Variants in RNF130 observed in about 807,000 individuals in gnomAD.
The protein encoded by RNF130 is E3 ubiquitin-protein ligase RNF130.
In RNF130, 21 loss-of-function variants were observed where a neutral mutation model predicts 44.6. The ratio of observed to expected loss-of-function variants is 0.47; its 90% CI spans 0.33 to 0.68. The LOEUF is 0.68. Among genes scored for constraint, RNF130 ranks in the 30% least tolerant of loss-of-function variants. The pLI, the probability that RNF130 is intolerant of heterozygous loss-of-function variation, is 0.02. For missense variants in RNF130, 479 were observed against 560.6 expected, an observed-to-expected ratio of 0.85 and a Z score of 1.47; for synonymous variants, 214 against 210.4, an observed-to-expected ratio of 1.02 and a Z score of -0.15.
At chr5:180,055,999 GC>G (rs1164907285) in intron 1 of RNF130, among the ~76,000 whole-genome samples, 1 of 152,004 alleles carries the variant, frequency 6.6e-6, no homozygotes, top group Non-Finnish European at 1.5e-5. Context: ...CAGGAGAATT[GC>G]TTGAACCCGG....
chr5:180,058,609 G>A (rs980137557), intron 1 of RNF130, among the ~76,000 whole-genome samples: 1 of 152,170 alleles, frequency 6.6e-6, no homozygotes, highest in Non-Finnish European at 1.5e-5. Context: ...AAGCTGGAGT[G>A]TAGTAGTGTG....
chr5:180,029,486 C>T (rs1764071431), intron 2 of RNF130, among the ~76,000 whole-genome samples: 1 of 152,120 alleles, frequency 6.6e-6, no homozygotes, highest in Non-Finnish European at 1.5e-5. Context: ...AAGCTCTAAC[C>T]AAGAACCAAG....
chr5:180,000,807 G>T (rs72813786), intron 3 of RNF130, among the ~76,000 whole-genome samples: 1 of 152,020 alleles, frequency 6.6e-6, no homozygotes, highest in Non-Finnish European at 1.5e-5. Flanking sequence ...TTGTCTACAC[G>T]TTTTCTTGTA....
intron 7 of RNF130, among the ~76,000 whole-genome samples, chr5:179,942,381 AC>A (rs1290789419): frequency 6.6e-6 from 1 of 152,040 alleles, no homozygotes; most frequent in Non-Finnish European, 1.5e-5. Context: ...ATCTGTATGC[AC>A]TGATGTGGAA....
At chr5:180,048,853 G>A (rs1295910117) in intron 1 of RNF130, among the ~76,000 whole-genome samples, 1 of 152,144 alleles carries the variant, frequency 6.6e-6, no homozygotes, top group African/African-American at 2.4e-5. Flanking sequence ...TATTCAGTGG[G>A]AGACAGAAAA....
At chr5:179,970,527 A>G in intron 5 of RNF130, 21 bp from the exon 6 acceptor site, 2 of 1,569,578 alleles carry the variant, frequency 1.3e-6, no homozygotes, top group Non-Finnish European at 1.7e-6. Flanking sequence ...ATGGAGAATT[A>G]TGTCACAAGT....
intron 8 of RNF130, among the ~76,000 whole-genome samples, chr5:179,962,582 G>A (rs1004206880): frequency 1.3e-5 from 2 of 152,124 alleles, no homozygotes; most frequent in Non-Finnish European, 2.9e-5. Flanking sequence ...TAAAAGAAAG[G>A]ACTGAACGAT....
intron 7 of RNF130, among the ~76,000 whole-genome samples, chr5:179,966,340 C>A (rs1259203906): frequency 6.6e-6 from 1 of 152,034 alleles, no homozygotes; most frequent in Non-Finnish European, 1.5e-5. Flanking sequence ...AAATAAAGTG[C>A]GCAACAGGCT....
chr5:179,992,088 T>A (rs1233834039), intron 3 of RNF130, among the ~76,000 whole-genome samples: 1 of 152,218 alleles, frequency 6.6e-6, no homozygotes, highest in Non-Finnish European at 1.5e-5. Context: ...TCCTGCTGTG[T>A]GTCCTGTATC....
chr5:179,976,669 C>T (rs954992189), intron 5 of RNF130: 1 of 151,036 alleles, frequency 6.6e-6, no homozygotes, highest in African/African-American at 2.4e-5. Flanking sequence ...TGTTTCAGTA[C>T]ATGTAATTCT....
chr5:180,010,737 G>T (rs1372160283), intron 3 of RNF130, among the ~76,000 whole-genome samples: 1 of 152,206 alleles, frequency 6.6e-6, no homozygotes, highest in Admixed American at 6.5e-5. Flanking sequence ...GATTAGGGAA[G>T]GGGGAAGGAG....
intron 6 of RNF130, among the ~76,000 whole-genome samples, chr5:179,968,666 A>AT (rs1347913645): frequency 4.3e-5 from 6 of 138,962 alleles, no homozygotes; most frequent in African/African-American, 1.1e-4. Context: ...ACTCTGTCTC[A>AT]TAAAAAAAAA....
At chr5:179,985,275 T>A (rs1762929111) in intron 3 of RNF130, among the ~76,000 whole-genome samples, 1 of 148,254 alleles carries the variant, frequency 6.7e-6, no homozygotes. Context: ...CCCATAGAAA[T>A]CTTTTGTTTA....
At chr5:179,922,145 A>G (rs1337572905) in intron 7 of RNF130, among the ~76,000 whole-genome samples, 2 of 151,882 alleles carry the variant, frequency 1.3e-5, no homozygotes, top group Non-Finnish European at 2.9e-5. Context: ...TAGGCATTCT[A>G]GCAGGAGTGT....
chr5:179,967,613 T>C (rs1762480084), intron 6 of RNF130, among the ~76,000 whole-genome samples: 1 of 151,826 alleles, frequency 6.6e-6, no homozygotes, highest in African/African-American at 2.4e-5. Flanking sequence ...GTCTACCAAT[T>C]AAAAAGTGAG....
chr5:180,002,922 GTTATTA>G (rs1248458464), intron 3 of RNF130, among the ~76,000 whole-genome samples: 1 of 151,830 alleles, frequency 6.6e-6, no homozygotes, highest in Non-Finnish European at 1.5e-5. Flanking sequence ...GATCTGGGTT[GTTATTA>G]TTATTATTAT....
At chr5:180,023,173 A>C (rs890747182) in intron 2 of RNF130, among the ~76,000 whole-genome samples, 5 of 152,244 alleles carry the variant, frequency 3.3e-5, no homozygotes, top group Non-Finnish European at 7.3e-5. Flanking sequence ...AATTGGAGAC[A>C]TAAGTATGAA....
chr5:179,931,032 C>CAAAAAAAA (rs34266288), intron 7 of RNF130, among the ~76,000 whole-genome samples: 2 of 74,298 alleles, frequency 2.7e-5, no homozygotes, highest in Non-Finnish European at 5.1e-5. Flanking sequence ...ACCTCTGTCT[C>CAAAAAAAA]AAAAAAAAAA....
chr5:179,968,154 G>C lies in RNF130; in HGVS notation c.946-1144C>G, dbSNP rs558970801. On this transcript the variant is annotated intron_variant, in intron 6 of 8. Coordinates refer to ENST00000521389, the MANE Select transcript of RNF130 (RefSeq NM_018434.6). ...ACTAACAATACAAAACATTAGCCGG[G>C]CATGGTGGCGGGTGCCTGTACTCCC... 2.6e-5 allele frequency among the ~76,000 whole-genome samples: 4 copies of C among 152,178 alleles called. No homozygotes were observed. The South Asian group carries it at 6.2e-4, about 24-fold the overall frequency.
Sources: gnomAD v4.1 joint callset for allele counts (sites outside exome capture counted in the v4.1 genomes callset) on GRCh38, gnomAD v4.1.1 for gene constraint, MANE v1.5 for transcripts, NCBI Gene and HGNC (gene_info 2026-07-23, HGNC 2026-07-21) for gene names.